CAPN5: variants seen among roughly 807,000 people sequenced by gnomAD.
CAPN5 encodes calpain 5.
In CAPN5, 54 loss-of-function variants were observed where a neutral mutation model predicts 73.0. That is an observed-to-expected ratio of 0.74 (90% confidence interval 0.59 to 0.93). The LOEUF (loss-of-function observed/expected upper bound fraction) is 0.93. Among genes scored for constraint, CAPN5 ranks in the 40% least tolerant of loss-of-function variants. The pLI, the probability that CAPN5 is intolerant of heterozygous loss-of-function variation, is 0.00. For synonymous variants in CAPN5, 335 were observed against 356.9 expected (o/e 0.94, Z 0.69); for missense variants, 785 against 882.9 (o/e 0.89, Z 1.41).
chr11:77,082,326 C>G (rs1353964542), intron 1 of CAPN5, among the ~76,000 whole-genome samples: 1 of 152,260 alleles, frequency 6.6e-6, no homozygotes. Context: ...GGGTCCTGCT[C>G]GGCCCAAACA....
At chr11:77,094,710 C>G (rs1950189782) in intron 3 of CAPN5, among the ~76,000 whole-genome samples, 1 of 152,192 alleles carries the variant, frequency 6.6e-6, no homozygotes. Flanking sequence ...GAGCTGGCCT[C>G]AGGTTACTCA....
At chr11:77,102,029 C>T (rs1176551018) in intron 3 of CAPN5, among the ~76,000 whole-genome samples, 1 of 152,208 alleles carries the variant, frequency 6.6e-6, no homozygotes, top group Non-Finnish European at 1.5e-5. Flanking sequence ...GGCACAGTCC[C>T]TGGCCCAGCA....
Position 77,125,229 on chromosome 11 carries a change from T to G in CAPN5, c.*1359T>G, listed in dbSNP as rs1450779545. ...CCTGTGTCCTTGCTGGGATTTCCTT[T>G]TGGGAACCTGACTTTCCGACTCCAG... On this transcript the variant is annotated 3_prime_UTR_variant, in exon 13 of 13. Coordinates refer to ENST00000648180, the MANE Select transcript of CAPN5 (RefSeq NM_004055.5). 1 of 152,618 alleles carries G rather than the reference T, an allele frequency of 6.6e-6. No homozygotes were observed. The highest frequency in any genetic ancestry group is 1.5e-5 in the Non-Finnish European group (1 of 68,040). The allele number at this position is 152,618 out of a possible 1,614,324, so 9.5% of individuals were successfully genotyped here.
chr11:77,115,630 C>A, intron 6 of CAPN5, 42 bp downstream of exon 6: 1 of 1,543,818 alleles, frequency 6.5e-7, no homozygotes, highest in Non-Finnish European at 8.9e-7. Context: ...GGCATGAGGG[C>A]TTGGACAAGG....
chr11:77,076,045 C>A (rs1949965478), intron 1 of CAPN5, among the ~76,000 whole-genome samples: 1 of 152,132 alleles, frequency 6.6e-6, no homozygotes. Context: ...ACCTCACATA[C>A]TTTTTTGTCC....
chr11:77,110,027 G>A (rs1555040529), intron 3 of CAPN5, among the ~76,000 whole-genome samples: 1 of 152,128 alleles, frequency 6.6e-6, no homozygotes, highest in African/African-American at 2.4e-5. Context: ...CTGTCACTCT[G>A]TGCGCTTGGG....
rs1372604729 is a variant in CAPN5, at chr11:77,125,700, T to G, written c.*1830T>G. 1 of 150,532 alleles carries G rather than the reference T, an allele frequency of 6.6e-6. No individual in the cohort carries two copies. Among genetic ancestry groups the G allele is most frequent in the Non-Finnish European group, 1.5e-5 (1 of 67,706 alleles). The allele number at this position is 150,532 out of a possible 1,614,324, so 9.3% of individuals were successfully genotyped here. ...CAAATCAAGGCTCCTGAGTAGGGGG[T>G]GAAGTGAGCCAGCTTGCACCTCAGG... is the stretch of plus-strand genomic sequence containing the variant. On this transcript the variant is annotated 3_prime_UTR_variant, in exon 13 of 13. Coordinates refer to ENST00000648180, the MANE Select transcript of CAPN5 (RefSeq NM_004055.5).
intron 1 of CAPN5, among the ~76,000 whole-genome samples, chr11:77,083,590 T>C (rs1406147206): frequency 3.3e-5 from 5 of 152,184 alleles, no homozygotes; most frequent in Admixed American, 1.3e-4. Context: ...TGGCAGGCAG[T>C]ACACATGCAC....
At chr11:77,085,245 C>A (rs1420628680) in intron 2 of CAPN5, among the ~76,000 whole-genome samples, 194 bp downstream of exon 2, 2 of 152,214 alleles carry the variant, frequency 1.3e-5, no homozygotes, top group Non-Finnish European at 2.9e-5. Flanking sequence ...GTGGCCACCA[C>A]TGGATTGGTT....
intron 2 of CAPN5, 136 bp downstream of exon 2, chr11:77,085,187 G>A (rs1216857708): frequency 3.4e-5 from 25 of 734,970 alleles, no homozygotes; most frequent in Non-Finnish European, 3.9e-5. Flanking sequence ...GTGCTGAAAC[G>A]GTGGGATTTG....
chr11:77,120,565 C>T (rs1479798103), intron 9 of CAPN5, 148 bp from the exon 10 acceptor site: 16 of 574,950 alleles, frequency 2.8e-5, no homozygotes, highest in East Asian at 1.1e-4. Flanking sequence ...AACACGAATC[C>T]GCTTCTGTTA....
intron 1 of CAPN5, among the ~76,000 whole-genome samples, chr11:77,069,060 C>T (rs1225926593): frequency 6.6e-6 from 1 of 152,172 alleles, no homozygotes; most frequent in Non-Finnish European, 1.5e-5. Context: ...GCCTCCTGCG[C>T]CCTCAGTGGG....
At chr11:77,117,736 C>T (rs973034384) in intron 7 of CAPN5, among the ~76,000 whole-genome samples, 1 of 152,206 alleles carries the variant, frequency 6.6e-6, no homozygotes, top group Admixed American at 6.5e-5. Flanking sequence ...TTACTCAGGC[C>T]TCTCAACAGC....
intron 1 of CAPN5, among the ~76,000 whole-genome samples, chr11:77,080,872 TG>T (rs1194437817): frequency 6.6e-6 from 1 of 152,166 alleles, no homozygotes; most frequent in Admixed American, 6.5e-5. Context: ...ATGATGCAGT[TG>T]GGATGCAAAC....
intron 2 of CAPN5, among the ~76,000 whole-genome samples, chr11:77,087,049 CAG>C (rs1244901510): frequency 7.9e-5 from 12 of 152,262 alleles, no homozygotes; most frequent in Non-Finnish European, 4.4e-5. Context: ...GGGCAGGTGA[CAG>C]AGAGCGTATG....
rs200993761 is a variant in CAPN5, at chr11:77,114,406, G to T, written c.671G>T (p.Arg224Leu). The T allele has an allele frequency of 1.9e-6, 3 of 1,614,172 alleles. No homozygotes were observed. Among genetic ancestry groups the T allele is most frequent in the East Asian group, 2.2e-5 (1 of 44,882 alleles). Residue 224 changes from arginine (R) to leucine (L), a missense_variant, in exon 5 of 13, where the codon CGG (arginine) becomes CTG (leucine). By Grantham distance (102) the Arg-to-Leu change is moderately radical. Coordinates refer to ENST00000648180, the MANE Select transcript of CAPN5 (RefSeq NM_004055.5). The stretch of plus-strand genomic sequence containing the variant: ...GAGCGCATGTTAAAGGTGCACAGCC[G>T]GGGCGGCCTCATCAGTGCCTCCATC... ...LFERMLKVHS[R>L]GGLISASIKA...
intron 1 of CAPN5, among the ~76,000 whole-genome samples, chr11:77,082,489 G>T (rs559133706): frequency 6.6e-6 from 1 of 152,194 alleles, no homozygotes; most frequent in African/African-American, 2.4e-5. Flanking sequence ...CCCTGTCGGG[G>T]TGTTGGCCCC....
chr11:77,084,171 T>C (rs1224991665), intron 1 of CAPN5, among the ~76,000 whole-genome samples: 1 of 152,202 alleles, frequency 6.6e-6, no homozygotes, highest in Non-Finnish European at 1.5e-5. Context: ...TCCCTGACCA[T>C]GTTGGTCCAG....
At chr11:77,084,698 A>G (rs1406027065) in intron 1 of CAPN5, among the ~76,000 whole-genome samples, 154 bp from the exon 2 acceptor site, 1 of 151,960 alleles carries the variant, frequency 6.6e-6, no homozygotes, top group Non-Finnish European at 1.5e-5. Flanking sequence ...TGTCTGTCCC[A>G]CTCTGCTGTA....
Sources: gnomAD v4.1 joint callset for allele counts (sites outside exome capture counted in the v4.1 genomes callset) on GRCh38, gnomAD v4.1.1 for gene constraint, MANE v1.5 for transcripts, NCBI Gene and HGNC (gene_info 2026-07-23, HGNC 2026-07-21) for gene names.